OR51B5: variants seen among roughly 807,000 people sequenced by gnomAD.
OR51B5 encodes the protein olfactory receptor 51B5.
For synonymous variants in OR51B5, 186 were observed against 144.8 expected (o/e 1.28, Z -2.04); for missense variants, 456 against 374.6 (o/e 1.22, Z -1.79).
At chr11:5,397,327 G>C (rs1446791605) in intron 1 of OR51B5, among the ~76,000 whole-genome samples, 1 of 152,020 alleles carries the variant, frequency 6.6e-6, no homozygotes, top group Non-Finnish European at 1.5e-5. Flanking sequence ...CTAATATCCA[G>C]AATCTACAAT....
intron 1 of OR51B5, among the ~76,000 whole-genome samples, chr11:5,464,532 T>G (rs560989493): frequency 6.7e-6 from 1 of 150,020 alleles, no homozygotes; most frequent in Non-Finnish European, 1.5e-5. Flanking sequence ...TGAGAATATG[T>G]GGTGTTTGGT....
At chr11:5,420,274 C>T (rs144964684) in intron 1 of OR51B5, among the ~76,000 whole-genome samples, 3 of 152,126 alleles carry the variant, frequency 2.0e-5, no homozygotes, top group East Asian at 3.9e-4. Context: ...AATGTTTCTA[C>T]ACTGCCATTT....
intron 1 of OR51B5, among the ~76,000 whole-genome samples, chr11:5,504,780 G>GCTTTCCACGTACCAGGCCCTACCTTAA (rs1846349215): frequency 6.6e-6 from 1 of 152,118 alleles, no homozygotes; most frequent in Non-Finnish European, 1.5e-5. Context: ...CCCTACCTTA[G>GCTTTCCACGTACCAGGCCCTACCTTAA]CTGCTAGGTA....
chr11:5,444,631 G>GTAGC, intron 1 of OR51B5, among the ~76,000 whole-genome samples: 1 of 152,172 alleles, frequency 6.6e-6, no homozygotes, highest in Non-Finnish European at 1.5e-5. Context: ...TGCTTTCCTT[G>GTAGC]TAGCTGGATA....
At chr11:5,480,376 A>G (rs542249054) in intron 1 of OR51B5, among the ~76,000 whole-genome samples, 155 of 152,228 alleles carry the variant, frequency 1.0e-3, no homozygotes, top group Non-Finnish European at 1.7e-3. Context: ...AGGGAAACTT[A>G]TAGCACTAAA....
chr11:5,444,313 C>T (rs1850732885), intron 1 of OR51B5, among the ~76,000 whole-genome samples: 1 of 152,122 alleles, frequency 6.6e-6, no homozygotes, highest in Admixed American at 6.6e-5. Context: ...GGCAAACATT[C>T]AAATCGTAGG....
At chr11:5,381,450 C>G (rs529085806) in intron 1 of OR51B5, among the ~76,000 whole-genome samples, 1 of 152,170 alleles carries the variant, frequency 6.6e-6, no homozygotes, top group Non-Finnish European at 1.5e-5. Flanking sequence ...TTCATTGTCC[C>G]CATCATCCTC....
At chr11:5,424,372 CAAAA>C (rs926075824) in intron 1 of OR51B5, among the ~76,000 whole-genome samples, 1 of 140,934 alleles carries the variant, frequency 7.1e-6, no homozygotes, top group African/African-American at 2.5e-5. Context: ...AACAAACAAA[CAAAA>C]AAACACCTTT....
chr11:5,352,535 C>G, intron 1 of OR51B5: 2 of 768,192 alleles, frequency 2.6e-6, no homozygotes, highest in Non-Finnish European at 4.3e-6. Flanking sequence ...AAAGTCATTT[C>G]AATGAGAACT....
At chr11:5,401,960 C>T (rs1243325637) in intron 1 of OR51B5, among the ~76,000 whole-genome samples, 1 of 144,032 alleles carries the variant, frequency 6.9e-6, no homozygotes, top group African/African-American at 2.6e-5. Flanking sequence ...CTCTTCTTTC[C>T]TTCCTTCTTT....
At chr11:5,392,278 C>T (rs1433474913) in intron 1 of OR51B5, 1 of 152,140 alleles carries the variant, frequency 6.6e-6, no homozygotes, top group African/African-American at 2.4e-5. Flanking sequence ...AACATAGGTT[C>T]CATTCTAAAC....
chr11:5,380,385 C>G (rs1382555222), intron 1 of OR51B5, among the ~76,000 whole-genome samples: 1 of 152,256 alleles, frequency 6.6e-6, no homozygotes, highest in East Asian at 1.9e-4. Context: ...TTCTGTGGGT[C>G]TCTCCAGTCT....
intron 1 of OR51B5, chr11:5,351,895 T>C (rs1564916187): frequency 6.2e-7 from 1 of 1,613,172 alleles, no homozygotes; most frequent in East Asian, 2.2e-5. Context: ...CCCCTTAAGA[T>C]ATACCTCTAT....
chr11:5,376,719 A>G (rs940140218), intron 1 of OR51B5, among the ~76,000 whole-genome samples: 2 of 152,000 alleles, frequency 1.3e-5, no homozygotes, highest in Non-Finnish European at 2.9e-5. Flanking sequence ...GAAGAAATGG[A>G]TAAATTCCTG....
intron 1 of OR51B5, among the ~76,000 whole-genome samples, chr11:5,371,522 T>TTTTA (rs1849448083): frequency 6.6e-6 from 1 of 152,134 alleles, no homozygotes; most frequent in Non-Finnish European, 1.5e-5. Flanking sequence ...TATATCTCAT[T>TTTTA]ATATCCAAAG....
chr11:5,371,951 C>A (rs1337938580), intron 1 of OR51B5, among the ~76,000 whole-genome samples: 8 of 152,020 alleles, frequency 5.3e-5, no homozygotes, highest in African/African-American at 1.9e-4. Flanking sequence ...ATGCATTTGA[C>A]CTTATTTTTC....
At position 5,376,373 on chromosome 11, in the gene OR51B5, A is replaced by C. The variant is rs192833262; in HGVS notation, n.85-29463T>G. Among the ~76,000 whole-genome samples the C allele has an allele frequency of 2.9e-3, 443 of 152,332 alleles. 1 individual carries two copies. The highest frequency in any genetic ancestry group is 0.01 in the African/African-American group (419 of 41,570). On this transcript the variant is annotated intron_variant and non_coding_transcript_variant, in intron 1 of 4. Coordinates refer to the OR51B5 transcript ENST00000415970. The stretch of plus-strand genomic sequence containing the variant: ...CAAGAGAAAGCAAGAAAGATCCAAA[A>C]TTGACACCCTAACATCACAATTAAA...
chr11:5,396,020 G>C (rs1270533233), intron 1 of OR51B5, among the ~76,000 whole-genome samples: 3 of 152,156 alleles, frequency 2.0e-5, no homozygotes, highest in African/African-American at 7.2e-5. Context: ...TTTTTCAGAT[G>C]AAGAAACTAA....
At chr11:5,458,733 G>C (rs932299774) in intron 1 of OR51B5, among the ~76,000 whole-genome samples, 1 of 152,158 alleles carries the variant, frequency 6.6e-6, no homozygotes, top group Non-Finnish European at 1.5e-5. Context: ...GATTGGGACT[G>C]ACTTCTTGAT....
Sources: gnomAD v4.1 joint callset for allele counts (sites outside exome capture counted in the v4.1 genomes callset) on GRCh38, gnomAD v4.1.1 for gene constraint, MANE v1.5 for transcripts, NCBI Gene and HGNC (gene_info 2026-07-23, HGNC 2026-07-21) for gene names.